Variants in HEBP1 observed in about 807,000 individuals in gnomAD.
HEBP1 encodes heme binding protein 1, also known as heme-binding protein 1.
HEBP1 carries 13 observed loss-of-function variants against 20.4 expected under a neutral mutation model. The observed-to-expected ratio is 0.64, with a 90% CI of 0.42 to 1.01. The LOEUF (loss-of-function observed/expected upper bound fraction) is 1.01, where lower values mean the gene tolerates loss of function less well. HEBP1 is among the 50% of genes least tolerant of loss of function. The pLI is 0.00. For missense variants in HEBP1, 241 were observed against 247.3 expected, an observed-to-expected ratio of 0.97 and a Z score of 0.17; for synonymous variants, 92 against 90.7, an observed-to-expected ratio of 1.01 and a Z score of -0.08.
intron 3 of HEBP1, among the ~76,000 whole-genome samples, chr12:12,978,207 T>G (rs965363837): frequency 2.2e-5 from 3 of 135,198 alleles, no homozygotes; most frequent in Admixed American, 7.3e-5. Context: ...GGGTTTTTTT[T>G]TTTTTTTTTT....
Position 12,986,978 on chromosome 12 carries a change from G to A in HEBP1, c.398+174C>T. The A allele has an allele frequency of 3.2e-6, 2 of 630,410 alleles. No individual in the cohort carries two copies. The highest frequency in any genetic ancestry group is 2.6e-5 in the East Asian group (1 of 37,750). The allele number at this position is 630,410 out of a possible 1,614,324, so 39.1% of individuals were successfully genotyped here. A position where few individuals can be genotyped will look rare whatever the true frequency, so the allele number is the denominator to read the frequency against. On this transcript the variant is annotated intron_variant, in intron 3 of 3. Transcript: ENST00000014930. This position sits in a 1 kb window ranked among gnomAD's most constrained non-coding sequence, Gnocchi z 4.3. ...ATTTATTCTGATAAAATGCAAATGT[G>A]TGTGTGCTGCAGCCTGAAGAAATTA...
chr12:12,981,700 ACCTAAAATAGTT>A (rs2136540789), intron 3 of HEBP1, among the ~76,000 whole-genome samples: 2 of 152,300 alleles, frequency 1.3e-5, no homozygotes, highest in Admixed American at 1.3e-4. Context: ...ACTGTTAGAC[ACCTAAAATAGTT>A]CCTGGTACAG....
chr12:12,975,559 AC>A, intron 3 of HEBP1, 80 bp from the exon 4 acceptor site: 1 of 1,258,882 alleles, frequency 7.9e-7, no homozygotes, highest in Non-Finnish European at 1.1e-6. Context: ...AAAGTCACTC[AC>A]CATGTTTATT....
intron 3 of HEBP1, among the ~76,000 whole-genome samples, chr12:12,985,299 T>C (rs1177132586): frequency 6.6e-6 from 1 of 152,170 alleles, no homozygotes; most frequent in Non-Finnish European, 1.5e-5. Flanking sequence ...AATGAAATAA[T>C]ATAATGTCTG....
intron 3 of HEBP1, among the ~76,000 whole-genome samples, chr12:12,985,058 G>T (rs1864134898): frequency 6.6e-6 from 1 of 151,670 alleles, no homozygotes; most frequent in South Asian, 2.1e-4. Flanking sequence ...TGAGGCAGGA[G>T]AATTGCTTGA....
intron 3 of HEBP1, among the ~76,000 whole-genome samples, chr12:12,975,964 T>C (rs1863976313): frequency 6.6e-6 from 1 of 151,506 alleles, no homozygotes; most frequent in South Asian, 2.1e-4. Flanking sequence ...TGGTGGCTAA[T>C]GCCCCTTCCA....
intron 1 of HEBP1, among the ~76,000 whole-genome samples, chr12:12,993,153 T>C (rs60528463): frequency 3.4e-4 from 8 of 23,684 alleles, no homozygotes; most frequent in Admixed American, 1.2e-3. Flanking sequence ...CTCCCTTCCT[T>C]CCTTCCTTCC....
chr12:12,975,545 G>A, intron 3 of HEBP1, 66 bp from the exon 4 acceptor site: 1 of 1,410,738 alleles, frequency 7.1e-7, no homozygotes, highest in Non-Finnish European at 9.6e-7. Flanking sequence ...GGGATCTTTA[G>A]AAAAAAGTCA....
intron 2 of HEBP1, among the ~76,000 whole-genome samples, chr12:12,987,711 C>A (rs377569531): frequency 1.6e-4 from 24 of 151,872 alleles, no homozygotes; most frequent in African/African-American, 5.8e-4. Flanking sequence ...TTACTGTAAA[C>A]TCTGCCTCCT....
intron 1 of HEBP1, 122 bp from the exon 2 acceptor site, chr12:12,989,537 C>T: frequency 1.2e-6 from 1 of 814,206 alleles, no homozygotes; most frequent in Non-Finnish European, 2.0e-6. Context: ...GCAGAAGGGA[C>T]AGGCCTGAGT....
chr12:12,987,573 G>A (rs1328957326), intron 2 of HEBP1, among the ~76,000 whole-genome samples: 2 of 147,614 alleles, frequency 1.4e-5, no homozygotes, highest in Non-Finnish European at 1.5e-5. Context: ...TATCAAGACT[G>A]TAGATTATCA....
chr12:12,987,045 A>C, intron 3 of HEBP1, 107 bp downstream of exon 3: 1 of 854,294 alleles, frequency 1.2e-6, no homozygotes, highest in Non-Finnish European at 1.9e-6. Flanking sequence ...TACTTAAATT[A>C]ATTCAGCAAC....
chr12:12,987,588 C>G (rs1864167617), intron 2 of HEBP1, among the ~76,000 whole-genome samples: 1 of 95,458 alleles, frequency 1.0e-5, no homozygotes, highest in Non-Finnish European at 2.5e-5. Flanking sequence ...TTATCAGTCT[C>G]TTTCTCTCTC....
intron 1 of HEBP1, among the ~76,000 whole-genome samples, chr12:12,994,582 T>G (rs1864268689): frequency 6.6e-6 from 1 of 152,108 alleles, no homozygotes; most frequent in African/African-American, 2.4e-5. Flanking sequence ...CAGCTTGACT[T>G]GGAGAGCCAA....
At chr12:12,987,778 A>G (rs1042433166) in intron 2 of HEBP1, among the ~76,000 whole-genome samples, 1 of 152,076 alleles carries the variant, frequency 6.6e-6, no homozygotes, top group Non-Finnish European at 1.5e-5. Flanking sequence ...ATGGGATTAC[A>G]GGTGTGCGCC....
intron 1 of HEBP1, among the ~76,000 whole-genome samples, chr12:12,990,617 C>T (rs539557151): frequency 3.3e-5 from 5 of 152,306 alleles, no homozygotes; most frequent in African/African-American, 9.6e-5. Context: ...GAATTCAGTT[C>T]GTGGCTTGAC....
intron 3 of HEBP1, 84 bp from the exon 4 acceptor site, chr12:12,975,563 T>C: frequency 8.3e-7 from 1 of 1,207,164 alleles, no homozygotes; most frequent in South Asian, 1.5e-5. Flanking sequence ...TCACTCACCA[T>C]GTTTATTATG....
chr12:12,987,371 G>C (rs200938559), intron 2 of HEBP1, 39 bp from the exon 3 acceptor site: 131 of 1,563,356 alleles, frequency 8.4e-5, no homozygotes, highest in Non-Finnish European at 1.1e-4. Context: ...AGGGATCAGA[G>C]ACAGAGCTTG....
At chr12:12,995,256 TAC>T (rs1864276026) in intron 1 of HEBP1, among the ~76,000 whole-genome samples, 1 of 152,146 alleles carries the variant, frequency 6.6e-6, no homozygotes, top group Non-Finnish European at 1.5e-5. Flanking sequence ...CATAACACAA[TAC>T]TTATTGTAAT....
Sources: gnomAD v4.1 joint callset for allele counts (sites outside exome capture counted in the v4.1 genomes callset) on GRCh38, gnomAD v4.1.1 for gene constraint, Gnocchi (gnomAD v3.1) non-coding constraint, MANE v1.5 for transcripts, NCBI Gene and HGNC (gene_info 2026-07-23, HGNC 2026-07-21) for gene names.